Variants in ACSL1 observed in about 807,000 individuals in gnomAD.
The protein encoded by ACSL1 is long-chain-fatty-acid--CoA ligase 1.
ACSL1 carries 41 observed loss-of-function variants against 98.4 expected under a neutral mutation model. That is an observed-to-expected ratio of 0.42 (90% CI 0.32 to 0.54). The LOEUF (loss-of-function observed/expected upper bound fraction) is 0.54, where lower values mean the gene tolerates loss of function less well. Ranked by LOEUF, ACSL1 falls within the 20% of genes least tolerant of loss-of-function variation. The pLI is 0.13. For synonymous variants in ACSL1, 316 were observed against 322.7 expected, an observed-to-expected ratio of 0.98 and a Z score of 0.22; for missense variants, 734 against 883.1, an observed-to-expected ratio of 0.83 and a Z score of 2.14.
intron 1 of ACSL1, chr4:184,821,064 A>G (rs1395582987): frequency 2.2e-6 from 1 of 456,146 alleles, no homozygotes; most frequent in East Asian, 6.9e-5. Context: ...AGCAGGACCT[A>G]CCTTACAGGG....
chr4:184,795,698 A>G (rs1296750250), intron 2 of ACSL1, among the ~76,000 whole-genome samples: 1 of 152,166 alleles, frequency 6.6e-6, no homozygotes, highest in Middle Eastern at 3.2e-3. Context: ...CAGCCACCTA[A>G]AAGCGTCCCT....
Position 184,766,113 on chromosome 4 carries a change from C to G in ACSL1, c.1264-127G>C, listed in dbSNP as rs191888589. 24 of 801,738 alleles carry G rather than the reference C, an allele frequency of 3.0e-5. No homozygotes were observed. The Admixed American group carries it at 5.6e-4, about 19-fold the overall frequency. 49.7% of individuals were successfully genotyped at this position (801,738 alleles called of 1,614,324 possible). A position where few individuals can be genotyped will look rare whatever the true frequency, so the allele number is the denominator to read the frequency against. On this transcript the variant is annotated intron_variant, in intron 13 of 20. Coordinates refer to ENST00000281455, the MANE Select transcript of ACSL1 (RefSeq NM_001995.5). This position sits in a 1 kb window ranked among gnomAD's most constrained non-coding sequence, Gnocchi z 4.8. ...AGCTGCAGACCACACGGAGGCCACA[C>G]GGAGAACTCACAGCCCTCATGATGG...
chr4:184,818,169 A>C (rs1772784380), intron 1 of ACSL1, among the ~76,000 whole-genome samples: 1 of 152,318 alleles, frequency 6.6e-6, no homozygotes, highest in Non-Finnish European at 1.5e-5. Flanking sequence ...CCTGAGGCGC[A>C]ATGTAGGTAA....
intron 1 of ACSL1, among the ~76,000 whole-genome samples, chr4:184,810,573 C>G (rs919650230): frequency 2.6e-5 from 4 of 152,184 alleles, no homozygotes; most frequent in African/African-American, 9.7e-5. Flanking sequence ...GAAGGCACAG[C>G]TGAGCTGGTC....
At chr4:184,783,131 G>A (rs541139758) in intron 4 of ACSL1, among the ~76,000 whole-genome samples, 37 of 152,312 alleles carry the variant, frequency 2.4e-4, no homozygotes, top group African/African-American at 8.9e-4. Flanking sequence ...CCGGGGTGCC[G>A]TGTGGACTGG....
chr4:184,762,592 T>C (rs1763011566), intron 16 of ACSL1, 69 bp from the exon 17 acceptor site: 2 of 1,279,112 alleles, frequency 1.6e-6, no homozygotes, highest in African/African-American at 1.5e-5. Flanking sequence ...GGTGTGTGCA[T>C]GTGTGTACGT....
intron 1 of ACSL1, among the ~76,000 whole-genome samples, chr4:184,816,151 T>C (rs192380913): frequency 6.6e-6 from 1 of 150,958 alleles, no homozygotes; most frequent in East Asian, 1.9e-4. Flanking sequence ...GAATGGAATC[T>C]AGAAGATAAT....
intron 14 of ACSL1, 77 bp downstream of exon 14, chr4:184,765,814 G>C: frequency 8.0e-7 from 1 of 1,243,780 alleles, no homozygotes; most frequent in South Asian, 1.3e-5. Context: ...CACACACACA[G>C]TACAGATGAC....
intron 7 of ACSL1, 115 bp downstream of exon 7, chr4:184,776,369 G>T: frequency 8.4e-7 from 1 of 1,193,694 alleles, no homozygotes; most frequent in Non-Finnish European, 1.2e-6. Flanking sequence ...GGTTGCGGAG[G>T]CAACCGGCCA....
chr4:184,803,504 T>C lies in ACSL1; in HGVS notation c.11A>G (p.His4Arg), dbSNP rs377526538. MQA[H>R]ELFRYFRMPE... ...CATTCGAAAATACCGGAACAGCTCA[T>C]GGGCTTGCATTGTCCTGTGTTGATA... is the stretch of plus-strand genomic sequence containing the variant. Residue 4 changes from histidine (H) to arginine (R), a missense_variant, in exon 2 of 21, where the codon CAT (histidine) becomes CGT (arginine). Physicochemically the swap from His to Arg is conservative, Grantham distance 29. Coordinates refer to ENST00000281455, the MANE Select transcript of ACSL1 (RefSeq NM_001995.5). This position sits in a 1 kb window ranked among gnomAD's most constrained non-coding sequence, Gnocchi z 4.8. 6.3e-7 allele frequency: 1 copy of C among 1,587,380 alleles called. No individual in the cohort carries two copies. The highest frequency in any genetic ancestry group is 8.6e-7 in the Non-Finnish European group (1 of 1,165,204).
intron 2 of ACSL1, among the ~76,000 whole-genome samples, chr4:184,795,703 G>A (rs560698683): frequency 9.2e-5 from 14 of 152,236 alleles, no homozygotes; most frequent in Middle Eastern, 6.8e-3. Flanking sequence ...ACCTAAAAGC[G>A]TCCCTAAGTC....
intron 2 of ACSL1, among the ~76,000 whole-genome samples, chr4:184,792,475 G>A (rs1424281202): frequency 6.6e-6 from 1 of 151,948 alleles, no homozygotes; most frequent in African/African-American, 2.4e-5. Flanking sequence ...AGGCTCTGTC[G>A]CCCAGGCTAG....
intron 10 of ACSL1, among the ~76,000 whole-genome samples, chr4:184,772,671 CA>C (rs1436450130): frequency 6.6e-6 from 1 of 152,172 alleles, no homozygotes; most frequent in Non-Finnish European, 1.5e-5. Flanking sequence ...ACACTGACCA[CA>C]ACAGATAATA....
intron 3 of ACSL1, among the ~76,000 whole-genome samples, chr4:184,785,582 T>A (rs959644308): frequency 9.4e-6 from 1 of 106,694 alleles, no homozygotes; most frequent in Non-Finnish European, 1.8e-5. Flanking sequence ...AAGCTTAGAA[T>A]AAAAAGATCC....
rs78290316 is a variant in ACSL1, at chr4:184,772,200, T to A, written c.915+881A>T. ...TTTCACTTTGGTAAGGTACTAAATGTTGAACTCTGTTTAGAAAGTATACAT... is the reference window on the plus strand; with the variant it reads ...TTTCACTTTGGTAAGGTACTAAATGATGAACTCTGTTTAGAAAGTATACAT... On this transcript the variant is annotated intron_variant, in intron 10 of 20. Transcript: ENST00000281455. Among the ~76,000 whole-genome samples, 53 of 152,332 alleles carry A rather than the reference T, an allele frequency of 3.5e-4. No homozygotes were observed. The East Asian group carries it at 9.3e-3, about 27-fold the overall frequency.
intron 16 of ACSL1, 105 bp from the exon 17 acceptor site, chr4:184,762,628 G>A (rs1028839165): frequency 9.8e-7 from 1 of 1,017,734 alleles, no homozygotes; most frequent in African/African-American, 1.6e-5. Flanking sequence ...CCTTTAGCTG[G>A]AAGCCCTAAA....
chr4:184,773,185 T>C lies in ACSL1; in HGVS notation c.842-31A>G, dbSNP rs2150318978. ...GAGCACATATGAAGCAGAACAAAGT[T>C]AAAGAATGACAGAAATGAAGGAGGC... On this transcript the variant is annotated intron_variant, in intron 9 of 20. Coordinates refer to ENST00000281455, the MANE Select transcript of ACSL1 (RefSeq NM_001995.5). This position sits in a 1 kb window ranked among gnomAD's most constrained non-coding sequence, Gnocchi z 4.3. The C allele has an allele frequency of 6.3e-7, 1 of 1,587,952 alleles. No homozygotes were observed. Among genetic ancestry groups the C allele is most frequent in the South Asian group, 1.1e-5 (1 of 90,270 alleles).
At position 184,766,712 on chromosome 4, in the gene ACSL1, G is replaced by A; in HGVS notation, c.1173C>T (p.Asp391=). ...ANTTLKRWLL[D]FASKRKEAEL... is the part of the protein sequence containing the mutation. ...CTGCTTCTTTCCTCTTGGAGGCAAAGTCCAAGAGCCATCGCTTCAGCGTGG... is the reference window on the plus strand; with the variant it reads ...CTGCTTCTTTCCTCTTGGAGGCAAAATCCAAGAGCCATCGCTTCAGCGTGG... Residue 391 remains aspartate, a synonymous_variant, in exon 13 of 21, where the codon GAC becomes GAT. Coordinates refer to ENST00000281455, the MANE Select transcript of ACSL1 (RefSeq NM_001995.5). The surrounding 1 kb of genome is among the most constrained non-coding windows in gnomAD (Gnocchi z 4.8). The A allele has an allele frequency of 6.2e-7, 1 of 1,614,074 alleles. No individual in the cohort carries two copies. The highest frequency in any genetic ancestry group is 8.5e-7 in the Non-Finnish European group (1 of 1,179,926).
chr4:184,788,424 C>T (rs963376832), intron 3 of ACSL1, 193 bp downstream of exon 3: 3 of 678,964 alleles, frequency 4.4e-6, no homozygotes, highest in Non-Finnish European at 8.1e-6. Context: ...CATGGAGCCC[C>T]CAGGGCCACA....
Sources: gnomAD v4.1 joint callset for allele counts (sites outside exome capture counted in the v4.1 genomes callset) on GRCh38, gnomAD v4.1.1 for gene constraint, Gnocchi (gnomAD v3.1) non-coding constraint, MANE v1.5 for transcripts, NCBI Gene and HGNC (gene_info 2026-07-23, HGNC 2026-07-21) for gene names.